The following LIG1 variants were observed in gnomAD, a reference collection of about 807,000 sequenced individuals.
LIG1 encodes the protein DNA ligase 1.
LIG1 carries 70 observed loss-of-function variants against 115.7 expected under a neutral mutation model. The observed-to-expected ratio is 0.60, with a 90% CI of 0.50 to 0.74. LIG1 has a LOEUF of 0.74. Ranked by LOEUF, LIG1 falls within the 30% of genes least tolerant of loss-of-function variation. The pLI, the probability that LIG1 is intolerant of heterozygous loss-of-function variation, is 0.00. For synonymous variants in LIG1, 487 were observed against 495.3 expected, an observed-to-expected ratio of 0.98 and a Z score of 0.22; for missense variants, 1,115 against 1,225.6, an observed-to-expected ratio of 0.91 and a Z score of 1.35.
intron 1 of LIG1, among the ~76,000 whole-genome samples, chr19:48,169,150 C>A (rs2036632504): frequency 6.6e-6 from 1 of 152,114 alleles, no homozygotes; most frequent in African/African-American, 2.4e-5. Flanking sequence ...TAACAATCTC[C>A]GAATGACAAA....
chr19:48,129,697 G>A (rs562392811), intron 19 of LIG1, among the ~76,000 whole-genome samples: 81 of 152,332 alleles, frequency 5.3e-4, no homozygotes, highest in African/African-American at 1.9e-3. Context: ...TCTGGTGGAT[G>A]CATGGTGTTG....
intron 1 of LIG1, 56 bp from the exon 2 acceptor site, chr19:48,165,679 A>G: frequency 8.1e-7 from 1 of 1,234,272 alleles, no homozygotes; most frequent in East Asian, 2.3e-5. Context: ...AGATCTAAAC[A>G]CACATAAAAC....
intron 21 of LIG1, 175 bp from the exon 22 acceptor site, chr19:48,123,493 G>C (rs1322429902): frequency 2.7e-6 from 2 of 729,434 alleles, no homozygotes; most frequent in East Asian, 2.7e-5. Context: ...TTAAAGCATG[G>C]GGCTAGTCAC....
chr19:48,119,277 GC>G, intron 24 of LIG1, 87 bp from the exon 25 acceptor site: 2 of 1,054,268 alleles, frequency 1.9e-6, no homozygotes, highest in Non-Finnish European at 2.9e-6. Context: ...TACACTCATG[GC>G]CCCCACCCCA....
intron 4 of LIG1, 113 bp from the exon 5 acceptor site, chr19:48,157,253 T>C: frequency 8.0e-7 from 1 of 1,246,646 alleles, no homozygotes; most frequent in Non-Finnish European, 1.1e-6. Flanking sequence ...TTTCTGACCC[T>C]ATGGTCTCAG....
At position 48,122,531 on chromosome 19, in the gene LIG1, T is replaced by A. The variant is rs1174615175; in HGVS notation, c.2232+403A>T. ...CTTTGGGAAAGACTCTTCCTGATCA[T>A]CCGGGGCACTCCCAGCCCCGCCTTG... On this transcript the variant is annotated intron_variant, in intron 23 of 27. Transcript: ENST00000263274. This position sits in a 1 kb window ranked among gnomAD's most constrained non-coding sequence, Gnocchi z 4.3. Among the ~76,000 whole-genome samples, 1 of 152,188 alleles carries A rather than the reference T, an allele frequency of 6.6e-6. No homozygotes were observed. Among genetic ancestry groups the A allele is most frequent in the Non-Finnish European group, 1.5e-5 (1 of 68,030 alleles).
At chr19:48,149,076 G>C (rs946196881) in intron 9 of LIG1, among the ~76,000 whole-genome samples, 1 of 152,184 alleles carries the variant, frequency 6.6e-6, no homozygotes, top group Non-Finnish European at 1.5e-5. Context: ...TTGGGAGGCC[G>C]AGGTGGGTGG....
At position 48,143,929 on chromosome 19, in the gene LIG1, T is replaced by A; in HGVS notation, c.811A>T (p.Asn271Tyr). ...GCATCTTCCACGGGATGATAGTTGTTCTTGGCAGGATTGTAACCAGATGGA... is the reference window on the plus strand; with the variant it reads ...GCATCTTCCACGGGATGATAGTTGTACTTGGCAGGATTGTAACCAGATGGA... ...LDPSGYNPAK[N>Y]NYHPVEDACW... is the part of the protein sequence containing the mutation. Residue 271 changes from asparagine (N) to tyrosine (Y), a missense_variant, in exon 10 of 28, where the codon AAC (asparagine) becomes TAC (tyrosine). Transcript: ENST00000263274. 1.2e-6 allele frequency: 2 copies of A among 1,614,086 alleles called. No homozygotes were observed. The highest frequency in any genetic ancestry group is 1.7e-6 in the Non-Finnish European group (2 of 1,180,006).
intron 9 of LIG1, among the ~76,000 whole-genome samples, chr19:48,148,004 A>T (rs1339917402): frequency 6.6e-6 from 1 of 152,134 alleles, no homozygotes; most frequent in Non-Finnish European, 1.5e-5. Context: ...TTACCATGTG[A>T]CAAGACATAA....
At chr19:48,127,396 G>A (rs2033740075) in intron 20 of LIG1, 48 bp from the exon 21 acceptor site, 2 of 1,534,306 alleles carry the variant, frequency 1.3e-6, no homozygotes, top group African/African-American at 1.4e-5. Context: ...GGTGAGACGG[G>A]GCACTGTGCC....
chr19:48,123,969 C>A lies in LIG1; in HGVS notation c.2005-651G>T, dbSNP rs573950734. On this transcript the variant is annotated intron_variant, in intron 21 of 27. Transcript: ENST00000263274. ...TGAAATCAGTTCCAGCTGGACCTTG[C>A]AAGAGTGTGTGTCAGAGAGGAAGGA... Among the ~76,000 whole-genome samples, 4 of 152,196 alleles carry A rather than the reference C, an allele frequency of 2.6e-5. No homozygotes were observed. The East Asian group carries it at 7.7e-4, about 29-fold the overall frequency.
At position 48,170,292 on chromosome 19, in the gene LIG1, G is replaced by C. The variant is rs1309121256; in HGVS notation, c.-109C>G. 4.4e-6 allele frequency: 2 copies of C among 454,028 alleles called. No homozygotes were observed. Among genetic ancestry groups the C allele is most frequent in the East Asian group, 1.4e-4 (2 of 14,236 alleles). The allele number at this position is 454,028 out of a possible 1,614,324, so 28.1% of individuals were successfully genotyped here. A position where few individuals can be genotyped will look rare whatever the true frequency, so the allele number is the denominator to read the frequency against. ...CCGGGCAACACACTCAGATCCGCCA[G>C]GCGCGCCTCTGCAGTCCCAAGTTCG... On this transcript the variant is annotated 5_prime_UTR_variant, in exon 1 of 28. Transcript: ENST00000263274.
chr19:48,123,362 G>C, intron 21 of LIG1, 44 bp from the exon 22 acceptor site: 2 of 1,602,674 alleles, frequency 1.2e-6, no homozygotes, highest in Non-Finnish European at 1.7e-6. Context: ...ATCTTTGTGA[G>C]AATAAAGACA....
chr19:48,155,826 AT>A (rs1568542545), intron 5 of LIG1, among the ~76,000 whole-genome samples: 1 of 152,254 alleles, frequency 6.6e-6, no homozygotes, highest in Non-Finnish European at 1.5e-5. Flanking sequence ...ATGTACAGCT[AT>A]TCACATACCA....
chr19:48,141,162 C>T (rs139420826), intron 11 of LIG1, among the ~76,000 whole-genome samples: 36 of 152,244 alleles, frequency 2.4e-4, no homozygotes, highest in African/African-American at 7.2e-4. Flanking sequence ...TTTTTTGAGA[C>T]GGAGTCTCGC....
At chr19:48,123,073 C>G (rs2033408173) in intron 22 of LIG1, 57 bp from the exon 23 acceptor site, 2 of 1,611,342 alleles carry the variant, frequency 1.2e-6, no homozygotes, top group Non-Finnish European at 1.7e-6. Flanking sequence ...AGCGCCGGAG[C>G]AGGCAGGATT....
At chr19:48,118,839 C>T (rs1220863380) in intron 25 of LIG1, among the ~76,000 whole-genome samples, 2 of 152,222 alleles carry the variant, frequency 1.3e-5, no homozygotes, top group Non-Finnish European at 2.9e-5. Context: ...GGCTCACAGG[C>T]ACTTCACAAG....
chr19:48,147,011 T>TA (rs2035161695), intron 9 of LIG1, among the ~76,000 whole-genome samples: 1 of 152,238 alleles, frequency 6.6e-6, no homozygotes, highest in South Asian at 2.1e-4. Flanking sequence ...ACGTGCTATT[T>TA]AACCTCCTTG....
At chr19:48,152,662 T>A (rs1201893057) in intron 6 of LIG1, among the ~76,000 whole-genome samples, 1 of 152,176 alleles carries the variant, frequency 6.6e-6, no homozygotes, top group Non-Finnish European at 1.5e-5. Context: ...CGACACCTGC[T>A]GGCCAGTGTG....
Sources: gnomAD v4.1 joint callset for allele counts (sites outside exome capture counted in the v4.1 genomes callset) on GRCh38, gnomAD v4.1.1 for gene constraint, Gnocchi (gnomAD v3.1) non-coding constraint, MANE v1.5 for transcripts, NCBI Gene and HGNC (gene_info 2026-07-23, HGNC 2026-07-21) for gene names.